UTS2: variants seen among roughly 807,000 people sequenced by gnomAD.
UTS2 encodes the protein urotensin 2.
Under a neutral mutation model 12.6 loss-of-function variants are expected in UTS2, and 10 were observed. That is an observed-to-expected ratio of 0.80 (90% CI 0.49 to 1.35). UTS2 has a LOEUF of 1.35. Ranked by LOEUF, UTS2 falls within the 40% of genes most tolerant of loss-of-function variation. UTS2 has a pLI of 0.00. For synonymous variants in UTS2, 52 were observed against 50.0 expected (o/e 1.04, Z -0.17); for missense variants, 142 against 143.2 (o/e 0.99, Z 0.04).
At chr1:7,869,059 C>T in the UTS2 span, among the ~76,000 whole-genome samples, 1 of 152,216 alleles carries the variant, frequency 6.6e-6, no homozygotes, top group Non-Finnish European at 1.5e-5. Context: ...TCTGTAATAG[C>T]AGCCCCAACA....
At chr1:7,886,658 CTT>C in the UTS2 span, among the ~76,000 whole-genome samples, 4 of 152,210 alleles carry the variant, frequency 2.6e-5, no homozygotes, top group Admixed American at 6.5e-5. Context: ...GCCTTTCAGT[CTT>C]TCTCTCACTT....
At chr1:7,881,658 C>T in the UTS2 span, among the ~76,000 whole-genome samples, 1 of 152,166 alleles carries the variant, frequency 6.6e-6, no homozygotes, top group Admixed American at 6.5e-5. Flanking sequence ...CAAGATGTCT[C>T]ATGTTCATGG....
chr1:7,908,753 A>G, the UTS2 span, among the ~76,000 whole-genome samples: 79 of 152,216 alleles, frequency 5.2e-4, no homozygotes, highest in South Asian at 7.0e-3. Context: ...ACAGTTCCAC[A>G]TGACTGGGGA....
chr1:7,873,455 A>G, the UTS2 span, among the ~76,000 whole-genome samples: 2 of 152,250 alleles, frequency 1.3e-5, no homozygotes, highest in Non-Finnish European at 2.9e-5. Flanking sequence ...ATGAGATAAA[A>G]AAATCAACAT....
chr1:7,883,188 T>C, the UTS2 span, among the ~76,000 whole-genome samples: 151 of 152,344 alleles, frequency 9.9e-4, no homozygotes, highest in Non-Finnish European at 2.9e-5. Flanking sequence ...CACAATAGAA[T>C]ACTATTCAGC....
At chr1:7,896,034 A>G in the UTS2 span, among the ~76,000 whole-genome samples, 1 of 152,230 alleles carries the variant, frequency 6.6e-6, no homozygotes, top group African/African-American at 2.4e-5. Flanking sequence ...AAGATAACAG[A>G]AGTAAAGGGA....
At chr1:7,899,852 G>A in the UTS2 span, among the ~76,000 whole-genome samples, 9 of 152,206 alleles carry the variant, frequency 5.9e-5, no homozygotes, top group Non-Finnish European at 1.3e-4. Flanking sequence ...TGTGGTCAAT[G>A]TGTTGGTCAG....
At chr1:7,897,798 G>T in the UTS2 span, among the ~76,000 whole-genome samples, 3 of 152,176 alleles carry the variant, frequency 2.0e-5, no homozygotes, top group African/African-American at 7.2e-5. Flanking sequence ...TGTTGGCCAG[G>T]CTGGTCTCGA....
chr1:7,891,990 C>T, the UTS2 span, among the ~76,000 whole-genome samples: 2 of 152,138 alleles, frequency 1.3e-5, no homozygotes, highest in Non-Finnish European at 2.9e-5. Context: ...TGTATACACA[C>T]GTGCCAGCCC....
At chr1:7,868,307 G>A in the UTS2 span, among the ~76,000 whole-genome samples, 1 of 152,222 alleles carries the variant, frequency 6.6e-6, no homozygotes, top group Non-Finnish European at 1.5e-5. Flanking sequence ...GTGGGCACGT[G>A]TTTCATCCAA....
chr1:7,853,831 G>A (rs576842122), upstream of UTS2, among the ~76,000 whole-genome samples: 3 of 152,200 alleles, frequency 2.0e-5, no homozygotes, highest in East Asian at 1.9e-4. Flanking sequence ...GTCTGCCTTC[G>A]GGCCTGCCAC....
chr1:7,874,120 A>T, the UTS2 span, among the ~76,000 whole-genome samples: 1 of 152,160 alleles, frequency 6.6e-6, no homozygotes, highest in African/African-American at 2.4e-5. Flanking sequence ...AATGATGTGA[A>T]GCAGCCGGCC....
At chr1:7,881,157 C>T in the UTS2 span, among the ~76,000 whole-genome samples, 21 of 152,148 alleles carry the variant, frequency 1.4e-4, no homozygotes, top group South Asian at 2.1e-4. Flanking sequence ...ATAAAGGCCA[C>T]GTATAACAAG....
chr1:7,880,423 A>AGGG, the UTS2 span, among the ~76,000 whole-genome samples: 1 of 15,704 alleles, frequency 6.4e-5, no homozygotes, highest in East Asian at 2.1e-3. Context: ...TGGGGTGGGG[A>AGGG]GGGGGGAGGG....
At chr1:7,886,756 G>T in the UTS2 span, among the ~76,000 whole-genome samples, 2 of 151,840 alleles carry the variant, frequency 1.3e-5, no homozygotes, top group African/African-American at 4.8e-5. Context: ...ATAATCAGAG[G>T]GGGAAAAAAA....
chr1:7,854,984 A>G (rs1157439956), upstream of UTS2, among the ~76,000 whole-genome samples: 1 of 151,960 alleles, frequency 6.6e-6, no homozygotes, highest in Admixed American at 6.6e-5. Context: ...AATGTGGTGA[A>G]ACCCTGTCTC....
chr1:7,858,116 G>T (rs1486699416), upstream of UTS2, among the ~76,000 whole-genome samples: 2 of 152,158 alleles, frequency 1.3e-5, no homozygotes, highest in Admixed American at 1.3e-4. Flanking sequence ...ACTTCTGACA[G>T]TTATTAGTGA....
At chr1:7,881,671 C>A in the UTS2 span, among the ~76,000 whole-genome samples, 122 of 152,166 alleles carry the variant, frequency 8.0e-4, 1 homozygote, top group Admixed American at 8.0e-3. Flanking sequence ...GTTCATGGAT[C>A]AGAAGAATTA....
At chr1:7,848,743 C>T (rs2097410502) in intron 3 of UTS2, among the ~76,000 whole-genome samples, 1 of 152,078 alleles carries the variant, frequency 6.6e-6, no homozygotes, top group South Asian at 2.1e-4. Flanking sequence ...TGGTCTTGAA[C>T]TCCTGGCCTC....
Sources: allele counts gnomAD v4.1 joint callset (sites outside exome capture counted in the v4.1 genomes callset), GRCh38; gene constraint gnomAD v4.1.1; transcripts MANE v1.5; gene names NCBI Gene and HGNC (gene_info 2026-07-23, HGNC 2026-07-21).